HS3ST3A1: variants seen among roughly 807,000 people sequenced by gnomAD.
The protein encoded by HS3ST3A1 is heparan sulfate-glucosamine 3-sulfotransferase 3A1, also known as heparan sulfate glucosamine 3-O-sulfotransferase 3A1.
HS3ST3A1 carries 19 observed loss-of-function variants against 25.7 expected under a neutral mutation model. The observed-to-expected ratio is 0.74, with a 90% CI of 0.52 to 1.08. The LOEUF is 1.08. Among genes scored for constraint, HS3ST3A1 ranks in the 50% least tolerant of loss-of-function variants. HS3ST3A1 has a pLI of 0.00. For missense variants in HS3ST3A1, 459 were observed against 594.3 expected (o/e 0.77, Z 2.37); for synonymous variants, 226 against 278.6 (o/e 0.81, Z 1.88).
At chr17:13,568,016 T>G (rs190279234) in intron 1 of HS3ST3A1, among the ~76,000 whole-genome samples, 42 of 152,316 alleles carry the variant, frequency 2.8e-4, no homozygotes, top group Admixed American at 1.3e-3. Flanking sequence ...AGAGAAATCT[T>G]TCATGAAAGG....
intron 1 of HS3ST3A1, among the ~76,000 whole-genome samples, chr17:13,588,583 A>G (rs1010815781): frequency 1.1e-4 from 17 of 152,240 alleles, no homozygotes; most frequent in Admixed American, 5.2e-4. Flanking sequence ...ACACACATCT[A>G]TATAAGTAAA....
chr17:13,544,638 T>C (rs775978861), intron 1 of HS3ST3A1, among the ~76,000 whole-genome samples: 3 of 152,128 alleles, frequency 2.0e-5, no homozygotes, highest in Admixed American at 6.6e-5. Flanking sequence ...AAGGAGCAGA[T>C]GGCGCCTCCA....
chr17:13,600,488 A>T, intron 1 of HS3ST3A1, 43 bp downstream of exon 1: 1 of 1,526,630 alleles, frequency 6.6e-7, no homozygotes, highest in South Asian at 1.2e-5. Context: ...CCAGCCCAGG[A>T]CCCCCGGATC....
At chr17:13,515,479 T>G (rs960113782) in intron 1 of HS3ST3A1, among the ~76,000 whole-genome samples, 56 of 148,198 alleles carry the variant, frequency 3.8e-4, no homozygotes, top group Admixed American at 1.1e-3. Context: ...CAGTTTTTTT[T>G]TTTTTTTTTT....
At chr17:13,551,183 T>C (rs1416341891) in intron 1 of HS3ST3A1, among the ~76,000 whole-genome samples, 2 of 151,018 alleles carry the variant, frequency 1.3e-5, no homozygotes. Flanking sequence ...CCCGTCTCTA[T>C]TAAAAATGCA....
At chr17:13,552,328 G>A (rs778394365) in intron 1 of HS3ST3A1, among the ~76,000 whole-genome samples, 13 of 152,034 alleles carry the variant, frequency 8.6e-5, no homozygotes, top group Non-Finnish European at 1.3e-4. Flanking sequence ...TGATCCACCC[G>A]CCTCGGCCTC....
chr17:13,497,522 T>C (rs1905324588), intron 1 of HS3ST3A1, among the ~76,000 whole-genome samples: 1 of 152,220 alleles, frequency 6.6e-6, no homozygotes, highest in African/African-American at 2.4e-5. Context: ...TTGATGATTC[T>C]GGTCCGTTTA....
chr17:13,517,543 C>T (rs73982022), intron 1 of HS3ST3A1, among the ~76,000 whole-genome samples: 175 of 152,214 alleles, frequency 1.1e-3, no homozygotes, highest in African/African-American at 4.1e-3. Flanking sequence ...AAACTAGAGC[C>T]ATAAGTGACC....
chr17:13,600,971 G>C lies in HS3ST3A1; in HGVS notation c.159C>G (p.Val53=). 1 of 1,554,886 alleles carries C rather than the reference G, an allele frequency of 6.4e-7. No individual in the cohort carries two copies. ...CCTCGCCGCCGCCGGACAGCCCCAC[G>C]ACGGGGCCGGACAGGGTCTGGCAGC... is the stretch of plus-strand genomic sequence containing the variant. The part of the protein sequence containing the change: ...AERCQTLSGP[V]VGLSGGGEEA... Residue 53 remains valine (V), a synonymous_variant, in exon 1 of 2, where the codon GTC becomes GTG. Coordinates refer to ENST00000284110, the MANE Select transcript of HS3ST3A1 (RefSeq NM_006042.3).
intron 1 of HS3ST3A1, among the ~76,000 whole-genome samples, chr17:13,583,939 G>C (rs868576350): frequency 6.6e-6 from 1 of 152,106 alleles, no homozygotes; most frequent in Non-Finnish European, 1.5e-5. Context: ...CACTCCTGAG[G>C]GTTTTTGCTT....
At chr17:13,560,314 A>AAAAAAAAAAAAAAAAC (rs1907501706) in intron 1 of HS3ST3A1, among the ~76,000 whole-genome samples, 1 of 143,670 alleles carries the variant, frequency 7.0e-6, no homozygotes. Flanking sequence ...AAAAAAAAAA[A>AAAAAAAAAAAAAAAAC]AAAAAGTGTA....
intron 1 of HS3ST3A1, among the ~76,000 whole-genome samples, chr17:13,592,896 C>G (rs991023691): frequency 4.6e-5 from 7 of 151,974 alleles, no homozygotes; most frequent in Non-Finnish European, 8.8e-5. Flanking sequence ...GGGAGTCTGG[C>G]TGAGCAGTTC....
intron 1 of HS3ST3A1, among the ~76,000 whole-genome samples, chr17:13,589,962 C>G (rs1362039954): frequency 6.6e-6 from 1 of 152,114 alleles, no homozygotes; most frequent in East Asian, 1.9e-4. Flanking sequence ...ACCAGCCTGG[C>G]AACTTTGATA....
At chr17:13,548,002 G>A (rs1183094752) in intron 1 of HS3ST3A1, among the ~76,000 whole-genome samples, 6 of 149,296 alleles carry the variant, frequency 4.0e-5, no homozygotes, top group African/African-American at 1.2e-4. Flanking sequence ...ATTAAACACA[G>A]CACAGTAGTC....
rs56739289 is a variant in HS3ST3A1 at position 13,588,689 on chromosome 17, AT to A, written c.599+11841del. On this transcript the variant is annotated intron_variant, in intron 1 of 1. Coordinates refer to ENST00000284110, the MANE Select transcript of HS3ST3A1 (RefSeq NM_006042.3). ...TATAGTCCATTTTATATGTAGTTCC[AT>A]TTTTTTTTTTTTAGACGGAGTCTCG... 4.4e-3 allele frequency among the ~76,000 whole-genome samples: 652 copies of A among 146,984 alleles called. 7 individuals carry two copies. Among genetic ancestry groups the A allele is most frequent in the African/African-American group, 0.014 (577 of 39,904 alleles).
intron 1 of HS3ST3A1, among the ~76,000 whole-genome samples, chr17:13,506,477 T>A (rs1331188539): frequency 6.6e-6 from 1 of 152,146 alleles, no homozygotes; most frequent in Non-Finnish European, 1.5e-5. Flanking sequence ...ACCAATCACA[T>A]CAAGAGATTT....
intron 1 of HS3ST3A1, among the ~76,000 whole-genome samples, chr17:13,511,117 A>T (rs562793996): frequency 6.6e-5 from 10 of 152,350 alleles, no homozygotes; most frequent in Non-Finnish European, 1.3e-4. Flanking sequence ...ATAGGGACAC[A>T]GGTAAGAAGG....
chr17:13,561,263 T>A (rs1000058307), intron 1 of HS3ST3A1, among the ~76,000 whole-genome samples: 1 of 152,150 alleles, frequency 6.6e-6, no homozygotes, highest in Non-Finnish European at 1.5e-5. Flanking sequence ...TATGGCTGTG[T>A]ATTCTTGTCC....
chr17:13,590,950 C>T lies in HS3ST3A1; in HGVS notation c.599+9581G>A, dbSNP rs571270720. 9.9e-5 allele frequency among the ~76,000 whole-genome samples: 15 copies of T among 152,136 alleles called. 1 individual carries two copies. The highest frequency in any genetic ancestry group is 7.7e-4 in the East Asian group (4 of 5,176). On this transcript the variant is annotated intron_variant, in intron 1 of 1. Transcript: ENST00000284110. ...GTGCAAAAGGGACCTCAGGGTAGCT[C>T]GGTGACACTAGCCACGGCACGCAGG...
Sources: gnomAD v4.1 joint callset for allele counts (sites outside exome capture counted in the v4.1 genomes callset) on GRCh38, gnomAD v4.1.1 for gene constraint, MANE v1.5 for transcripts, NCBI Gene and HGNC (gene_info 2026-07-23, HGNC 2026-07-21) for gene names.